Variants in BCAS3 observed in about 807,000 individuals in gnomAD.
BCAS3 encodes BCAS3 microtubule associated cell migration factor, also known as BCAS4/BCAS3 fusion.
Under a neutral mutation model 116.1 loss-of-function variants are expected in BCAS3, and 53 were observed. The observed-to-expected ratio is 0.46, with a 90% CI of 0.37 to 0.57. The LOEUF (loss-of-function observed/expected upper bound fraction) is 0.57, where lower values mean the gene tolerates loss of function less well. Ranked by LOEUF, BCAS3 falls within the 20% of genes least tolerant of loss-of-function variation. BCAS3 has a pLI of 0.00. For synonymous variants in BCAS3, 391 were observed against 408.2 expected (o/e 0.96, Z 0.51); for missense variants, 917 against 1,165.4 (o/e 0.79, Z 3.10).
rs1389718554 is a variant in BCAS3, at chr17:61,241,986, C to T, written c.2426-126341C>T. On this transcript the variant is annotated intron_variant, in intron 22 of 23. Coordinates refer to ENST00000407086, the MANE Select transcript of BCAS3 (RefSeq NM_017679.5). This position sits in a 1 kb window ranked among gnomAD's most constrained non-coding sequence, Gnocchi z 4.6. ...GCTCTTGTTATCCAAGGTAAAGAAT[C>T]CAAACATTGGCTGGGTGTGGTGGCT... Among the ~76,000 whole-genome samples, 1 of 151,754 alleles carries T rather than the reference C, an allele frequency of 6.6e-6. No homozygotes were observed. Among genetic ancestry groups the T allele is most frequent in the Non-Finnish European group, 1.5e-5 (1 of 67,932 alleles).
At position 61,097,400 on chromosome 17, in the gene BCAS3, G is replaced by C. The variant is rs1050607269; in HGVS notation, c.2425+12836G>C. ...TCACCATGTTAGCCAGGATGGTCTC[G>C]ATCTCCTGACCTTGTGATCCGCCTG... On this transcript the variant is annotated intron_variant, in intron 22 of 23. Coordinates refer to ENST00000407086, the MANE Select transcript of BCAS3 (RefSeq NM_017679.5). The surrounding 1 kb of genome is among the most constrained non-coding windows in gnomAD (Gnocchi z 4.0). Among the ~76,000 whole-genome samples the C allele has an allele frequency of 5.3e-5, 8 of 152,090 alleles. No homozygotes were observed. Among genetic ancestry groups the C allele is most frequent in the Admixed American group, 6.5e-5 (1 of 15,268 alleles).
intron 18 of BCAS3, among the ~76,000 whole-genome samples, chr17:61,038,569 T>C (rs2067231348): frequency 6.6e-6 from 1 of 151,942 alleles, no homozygotes; most frequent in African/African-American, 2.4e-5. Flanking sequence ...TAGAATTTTA[T>C]ATAAATGGAA....
At chr17:60,844,290 G>A (rs187170835) in intron 7 of BCAS3, among the ~76,000 whole-genome samples, 4 of 152,220 alleles carry the variant, frequency 2.6e-5, no homozygotes, top group East Asian at 3.9e-4. Flanking sequence ...TAAATTTATC[G>A]AATGAATAAA....
At position 61,248,848 on chromosome 17, in the gene BCAS3, A is replaced by G. The variant is rs532554974; in HGVS notation, c.2426-119479A>G. On this transcript the variant is annotated intron_variant, in intron 22 of 23. Transcript: ENST00000407086. This position sits in a 1 kb window ranked among gnomAD's most constrained non-coding sequence, Gnocchi z 4.3. The stretch of plus-strand genomic sequence containing the variant: ...ATATTCACCTTTTACACTTCAAACC[A>G]CTTGGAGTATCTTAAAGAAGTAGTA... 1.1e-3 allele frequency among the ~76,000 whole-genome samples: 162 copies of G among 152,374 alleles called. No homozygotes were observed. The highest frequency in any genetic ancestry group is 3.7e-3 in the African/African-American group (153 of 41,596).
At chr17:60,944,813 A>G (rs2060401004) in intron 13 of BCAS3, among the ~76,000 whole-genome samples, 1 of 152,188 alleles carries the variant, frequency 6.6e-6, no homozygotes, top group African/African-American at 2.4e-5. Flanking sequence ...CACTTGAAAA[A>G]TTCAATTTTC....
At chr17:60,812,575 G>T (rs912278208) in intron 7 of BCAS3, among the ~76,000 whole-genome samples, 2 of 152,088 alleles carry the variant, frequency 1.3e-5, no homozygotes, top group Admixed American at 1.3e-4. Context: ...CTCCAGGGGA[G>T]GAGATTTATG....
chr17:60,865,874 A>AT (rs1232443915), intron 7 of BCAS3, among the ~76,000 whole-genome samples: 18 of 152,112 alleles, frequency 1.2e-4, no homozygotes, highest in South Asian at 2.1e-4. Flanking sequence ...ATATCTGTAG[A>AT]TTTTTTTATA....
intron 6 of BCAS3, among the ~76,000 whole-genome samples, chr17:60,757,159 C>T (rs11654435): frequency 0.73 from 109,691 of 150,618 alleles, 45,517 homozygotes; most frequent in South Asian, 0.98. Context: ...GAGACTCTGT[C>T]TCAAGAAAAA....
rs1474046096 is a variant in BCAS3, at chr17:61,106,526, A to T, written c.2425+21962A>T. ...ACTCTATGATGTTTGCACAGTGATGAAATCACCTAATAACACACTTTCTCA... is the reference window on the plus strand; with the variant it reads ...ACTCTATGATGTTTGCACAGTGATGTAATCACCTAATAACACACTTTCTCA... On this transcript the variant is annotated intron_variant, in intron 22 of 23. Coordinates refer to ENST00000407086, the MANE Select transcript of BCAS3 (RefSeq NM_017679.5). This position sits in a 1 kb window ranked among gnomAD's most constrained non-coding sequence, Gnocchi z 4.2. Among the ~76,000 whole-genome samples, 1 of 152,224 alleles carries T rather than the reference A, an allele frequency of 6.6e-6. No homozygotes were observed. The highest frequency in any genetic ancestry group is 1.5e-5 in the Non-Finnish European group (1 of 68,046).
chr17:60,878,561 A>T (rs941789695), intron 9 of BCAS3, among the ~76,000 whole-genome samples: 1 of 152,200 alleles, frequency 6.6e-6, no homozygotes, highest in Admixed American at 6.5e-5. Flanking sequence ...AGCAACAGTA[A>T]CATATGTTTG....
intron 14 of BCAS3, among the ~76,000 whole-genome samples, chr17:60,979,140 A>G (rs1261584356): frequency 4.0e-5 from 6 of 150,950 alleles, no homozygotes; most frequent in East Asian, 2.0e-4. Flanking sequence ...CATGAGCATG[A>G]AATGTTCTTC....
chr17:60,903,972 T>C (rs1030898701), intron 11 of BCAS3, among the ~76,000 whole-genome samples: 9 of 152,202 alleles, frequency 5.9e-5, no homozygotes, highest in South Asian at 2.1e-4. Flanking sequence ...CAGTAATTTT[T>C]AGTTATGGAA....
At chr17:61,036,277 T>C (rs2067022740) in intron 17 of BCAS3, 1 of 152,186 alleles carries the variant, frequency 6.6e-6, no homozygotes, top group African/African-American at 2.4e-5. Context: ...GCAAAATGGC[T>C]CTCCTTTATG....
intron 22 of BCAS3, among the ~76,000 whole-genome samples, chr17:61,357,277 T>A (rs28711049): frequency 0.027 from 3,919 of 144,596 alleles, 121 homozygotes; most frequent in African/African-American, 0.083. Context: ...AATTAATTAA[T>A]TAAATAAATA....
chr17:61,086,534 C>T (rs2073108969), intron 22 of BCAS3, among the ~76,000 whole-genome samples: 1 of 152,126 alleles, frequency 6.6e-6, no homozygotes, highest in African/African-American at 2.4e-5. Flanking sequence ...GAATTAGATC[C>T]TACATGTAAA....
intron 5 of BCAS3, among the ~76,000 whole-genome samples, chr17:60,712,595 T>G (rs1203664447): frequency 6.6e-6 from 1 of 152,212 alleles, no homozygotes; most frequent in Admixed American, 6.5e-5. Context: ...CTAAGAGCTA[T>G]ACTTCATCAC....
chr17:60,901,242 T>G (rs909655839), intron 10 of BCAS3, among the ~76,000 whole-genome samples: 29 of 151,274 alleles, frequency 1.9e-4, no homozygotes, highest in African/African-American at 7.0e-4. Flanking sequence ...GTAAGAGTGT[T>G]GTTGTTGTTG....
At position 60,728,628 on chromosome 17, in the gene BCAS3, C is replaced by T. The variant is rs111394052; in HGVS notation, c.322-18570C>T. Among the ~76,000 whole-genome samples the T allele has an allele frequency of 6.1e-3, 928 of 151,926 alleles. 4 individuals are homozygous for T. The highest frequency in any genetic ancestry group is 0.021 in the African/African-American group (868 of 41,426). Reference sequence around the variant, plus strand: ...CCAAGTAGCTGGGATTACAGGTGCCCGCCGCCATGCCCAGCTAATTTTTGT... The same window carrying T: ...CCAAGTAGCTGGGATTACAGGTGCCTGCCGCCATGCCCAGCTAATTTTTGT... On this transcript the variant is annotated intron_variant, in intron 5 of 23. Transcript: ENST00000407086.
intron 23 of BCAS3, among the ~76,000 whole-genome samples, chr17:61,374,027 G>A (rs1412608848): frequency 6.6e-6 from 1 of 150,808 alleles, no homozygotes; most frequent in Non-Finnish European, 1.5e-5. Flanking sequence ...TGTTAGCCAG[G>A]CTGGTCTCAA....
Sources: gnomAD v4.1 joint callset for allele counts (sites outside exome capture counted in the v4.1 genomes callset) on GRCh38, gnomAD v4.1.1 for gene constraint, Gnocchi (gnomAD v3.1) non-coding constraint, MANE v1.5 for transcripts, NCBI Gene and HGNC (gene_info 2026-07-23, HGNC 2026-07-21) for gene names.